Variants in ARHGEF37 observed in about 807,000 individuals in gnomAD.
ARHGEF37 encodes Rho guanine nucleotide exchange factor 37, also known as Rho guanine nucleotide exchange factor (GEF) 37.
A neutral mutation model predicts 71.1 loss-of-function variants in ARHGEF37; 55 were observed. That is an observed-to-expected ratio of 0.77 (90% CI 0.62 to 0.97). ARHGEF37 has a LOEUF of 0.97. Among genes scored for constraint, ARHGEF37 ranks in the 50% least tolerant of loss-of-function variants. The pLI is 0.00. For synonymous variants in ARHGEF37, 327 were observed against 350.6 expected (o/e 0.93, Z 0.75); for missense variants, 765 against 836.8 (o/e 0.91, Z 1.06).
intron 1 of ARHGEF37, among the ~76,000 whole-genome samples, chr5:149,588,659 TC>T (rs1347546963): frequency 2.6e-5 from 4 of 152,306 alleles, no homozygotes; most frequent in African/African-American, 7.2e-5. Flanking sequence ...TTGACAGCTT[TC>T]TATGAACCAT....
At chr5:149,559,680 AT>A (rs1383468408) in intron 1 of ARHGEF37, among the ~76,000 whole-genome samples, 2 of 152,190 alleles carry the variant, frequency 1.3e-5, no homozygotes, top group African/African-American at 4.8e-5. Context: ...TTATGTTTTG[AT>A]ATAGTTTGTG....
rs775205811 is a variant in ARHGEF37 at position 149,627,251 on chromosome 5, G to A, written c.1640G>A (p.Arg547His). The change falls in exon 11 of 13, where the codon CGC becomes CAC. Residue 547 changes from arginine to histidine, a missense_variant. By Grantham distance (29) the Arg-to-His change is conservative (BLOSUM62 0). Around this residue, in one of 5 missense-constraint regions of ARHGEF37, gnomAD observed 390 missense variants for 407.4 expected, o/e 0.96. Transcript: ENST00000333677. Reference protein sequence around the residue: ...QNKDTKGNSGRWLVDTGGHRG... With the variant: ...QNKDTKGNSGHWLVDTGGHRG... The stretch of plus-strand genomic sequence containing the variant: ...AAGGACACCAAAGGCAACAGCGGCC[G>A]CTGGCTGGTGGACACCGGGGGTACG... 1.6e-5 allele frequency: 26 copies of A among 1,613,608 alleles called. No homozygotes were observed. Among genetic ancestry groups the A allele is most frequent in the African/African-American group, 9.3e-5 (7 of 74,932 alleles).
In ARHGEF37 at chr5:149,552,690, T is replaced by C. The variant is rs560905623; in HGVS notation, c.-12+567T>C. 1.1e-4 allele frequency among the ~76,000 whole-genome samples: 16 copies of C among 152,010 alleles called. No individual in the cohort carries two copies. The South Asian group carries it at 3.3e-3, about 32-fold the overall frequency. On this transcript the variant is annotated intron_variant, in intron 1 of 2. Coordinates refer to the ARHGEF37 transcript ENST00000505810. ...CCGTATCTACTAAAAATACAAAAAT[T>C]AGCCGGGTGTGATGGCGCACACTTG...
intron 1 of ARHGEF37, among the ~76,000 whole-genome samples, chr5:149,556,793 G>A (rs1312230222): frequency 1.3e-5 from 2 of 152,206 alleles, no homozygotes; most frequent in Non-Finnish European, 2.9e-5. Context: ...AAAATGCTCG[G>A]ATTACAGGTG....
intron 1 of ARHGEF37, among the ~76,000 whole-genome samples, chr5:149,559,915 T>C (rs1288691000): frequency 6.6e-6 from 1 of 152,172 alleles, no homozygotes; most frequent in Non-Finnish European, 1.5e-5. Flanking sequence ...AATGTCTGTT[T>C]TATGACATAG....
intron 5 of ARHGEF37, among the ~76,000 whole-genome samples, chr5:149,617,631 G>C (rs1283426008): frequency 6.6e-6 from 1 of 152,202 alleles, no homozygotes; most frequent in South Asian, 2.1e-4. Context: ...GCTTCCTGTC[G>C]CAGAACTGGT....
chr5:149,562,595 G>A (rs1250723807), intron 1 of ARHGEF37, among the ~76,000 whole-genome samples: 1 of 152,010 alleles, frequency 6.6e-6, no homozygotes, highest in African/African-American at 2.4e-5. Flanking sequence ...GGGCCCACCC[G>A]GCTACCACAC....
chr5:149,579,865 G>A (rs546280294), upstream of ARHGEF37, among the ~76,000 whole-genome samples: 6 of 152,066 alleles, frequency 3.9e-5, no homozygotes, highest in South Asian at 6.2e-4. Flanking sequence ...GATTACAGGC[G>A]TGAACCACCG....
At chr5:149,626,723 T>C (rs559341133) in intron 10 of ARHGEF37, among the ~76,000 whole-genome samples, 10 of 152,368 alleles carry the variant, frequency 6.6e-5, no homozygotes, top group Admixed American at 5.2e-4. Flanking sequence ...ACTCACACTC[T>C]AATGGAATTG....
chr5:149,574,589 T>C (rs1464239652), intron 1 of ARHGEF37, among the ~76,000 whole-genome samples: 3 of 152,242 alleles, frequency 2.0e-5, no homozygotes, highest in African/African-American at 7.2e-5. Flanking sequence ...TATGGCTTCA[T>C]GTACAACGGA....
At chr5:149,586,435 T>C (rs1280931607) in intron 1 of ARHGEF37, among the ~76,000 whole-genome samples, 1 of 150,980 alleles carries the variant, frequency 6.6e-6, no homozygotes, top group African/African-American at 2.5e-5. Flanking sequence ...ATTTTTCTTT[T>C]AATTTTCAGT....
chr5:149,597,276 T>TTTG (rs1763575723), intron 1 of ARHGEF37, among the ~76,000 whole-genome samples: 1 of 152,064 alleles, frequency 6.6e-6, no homozygotes, highest in Non-Finnish European at 1.5e-5. Flanking sequence ...AAAATTTTTT[T>TTTG]TGTAAGAATC....
At chr5:149,596,585 G>A (rs569852769) in intron 1 of ARHGEF37, among the ~76,000 whole-genome samples, 11 of 152,294 alleles carry the variant, frequency 7.2e-5, no homozygotes, top group East Asian at 3.9e-4. Context: ...GATTACAGGC[G>A]TGAGCCACCG....
At position 149,624,007 on chromosome 5, in the gene ARHGEF37, C is replaced by T. The variant is rs1308875490; in HGVS notation, c.1336-5C>T. 5 of 1,593,334 alleles carry T rather than the reference C, an allele frequency of 3.1e-6. No homozygotes were observed. The highest frequency in any genetic ancestry group is 1.3e-5 in the African/African-American group (1 of 74,614). ...GCTCTGTTGACAGTGTCTGTCCCCACTTAGCTGCCCCACCACCACGTCCCA... is the reference window on the plus strand; with the variant it reads ...GCTCTGTTGACAGTGTCTGTCCCCATTTAGCTGCCCCACCACCACGTCCCA... On this transcript the variant is annotated splice_polypyrimidine_tract_variant and splice_region_variant and intron_variant, in intron 9 of 12. Transcript: ENST00000333677.
chr5:149,621,324 G>T (rs956693703), intron 8 of ARHGEF37, among the ~76,000 whole-genome samples: 1 of 152,072 alleles, frequency 6.6e-6, no homozygotes, highest in Non-Finnish European at 1.5e-5. Flanking sequence ...AATTAGCTGG[G>T]TGTGGTGGCA....
chr5:149,575,510 G>C (rs1195836994), intron 1 of ARHGEF37, among the ~76,000 whole-genome samples: 3 of 152,088 alleles, frequency 2.0e-5, no homozygotes, highest in African/African-American at 4.8e-5. Context: ...TATGCACGTG[G>C]GATACTATTC....
At chr5:149,578,587 T>A (rs1400672637), upstream of ARHGEF37, among the ~76,000 whole-genome samples, 1 of 152,148 alleles carries the variant, frequency 6.6e-6, no homozygotes, top group Non-Finnish European at 1.5e-5. Flanking sequence ...AATCTAAAGA[T>A]CAATAAGCTA....
intron 4 of ARHGEF37, among the ~76,000 whole-genome samples, chr5:149,615,124 C>A (rs1404256999): frequency 6.6e-6 from 1 of 152,016 alleles, no homozygotes. Flanking sequence ...CTGGAAGGGA[C>A]CTTGGCACCA....
intron 3 of ARHGEF37, among the ~76,000 whole-genome samples, chr5:149,603,469 A>C (rs1763820393): frequency 6.6e-6 from 1 of 152,188 alleles, no homozygotes; most frequent in African/African-American, 2.4e-5. Context: ...TGAGAGTCAG[A>C]GCTCTTAACT....
Sources: gnomAD v4.1 joint callset for allele counts (sites outside exome capture counted in the v4.1 genomes callset) on GRCh38, gnomAD v4.1.1 for gene constraint, gnomAD v4.1.1 regional missense constraint, MANE v1.5 for transcripts, NCBI Gene and HGNC (gene_info 2026-07-23, HGNC 2026-07-21) for gene names.